HSPG2: variants seen among roughly 807,000 people sequenced by gnomAD.
HSPG2 encodes the protein heparan sulfate proteoglycan 2.
In HSPG2, 278 loss-of-function variants were observed where a neutral mutation model predicts 526.6. That is an observed-to-expected ratio of 0.53 (90% CI 0.48 to 0.58). HSPG2 has a LOEUF of 0.58. HSPG2 is among the 20% of genes least tolerant of loss of function. The probability of loss-of-function intolerance (pLI) is 0.00; values close to 1 mark genes in which losing one functional copy is unlikely to be tolerated. For synonymous variants in HSPG2, 2,465 were observed against 2,555.4 expected, an observed-to-expected ratio of 0.96 and a Z score of 1.07; for missense variants, 5,354 against 6,099.5, an observed-to-expected ratio of 0.88 and a Z score of 4.07.
In HSPG2 at chr1:21,872,155, C is replaced by T. The variant is rs371918223; in HGVS notation, c.4221+31G>A. ...CAGAGGTGAACTCATGTCTGAGTCA[C>T]GGCTGACCCTGGTGCTTGGCTGGGG... is the stretch of plus-strand genomic sequence containing the variant. On this transcript the variant is annotated intron_variant, in intron 33 of 96. Transcript: ENST00000374695. The surrounding 1 kb of genome is among the most constrained non-coding windows in gnomAD (Gnocchi z 5.5). 5.3e-5 allele frequency: 82 copies of T among 1,550,218 alleles called. 1 individual carries two copies. Among genetic ancestry groups the T allele is most frequent in the African/African-American group, 4.7e-4 (34 of 73,038 alleles).
intron 1 of HSPG2, among the ~76,000 whole-genome samples, chr1:21,930,075 CCCT>C (rs1644309165): frequency 6.6e-6 from 1 of 152,128 alleles, no homozygotes. Context: ...TCTGCCACCC[CCCT>C]GCCTGCTGCA....
At position 21,842,778 on chromosome 1, in the gene HSPG2, G is replaced by T; in HGVS notation, c.8902C>A (p.Arg2968=). The change falls in exon 67 of 97, where the codon CGG becomes AGG. Residue 2968 remains arginine, a synonymous_variant. Transcript: ENST00000374695. The stretch of plus-strand genomic sequence containing the variant: ...CATCCTGGCCCCTGTACCTGGTGCC[G>T]GGCGGGGAGGCTGCCCCCGCGCTTG... ...WYKRGGSLPA[R]HQTHGSQLRL... 6.2e-7 allele frequency: 1 copy of T among 1,613,206 alleles called. No individual in the cohort carries two copies. The highest frequency in any genetic ancestry group is 8.5e-7 in the Non-Finnish European group (1 of 1,180,016).
chr1:21,920,927 G>T (rs1557832091), intron 1 of HSPG2, among the ~76,000 whole-genome samples: 1 of 151,886 alleles, frequency 6.6e-6, no homozygotes, highest in South Asian at 2.1e-4. Context: ...CATGTGTCTG[G>T]GATCTGCCTA....
intron 62 of HSPG2, 66 bp from the exon 63 acceptor site, chr1:21,846,665 C>T (rs1572207316): frequency 1.3e-6 from 2 of 1,573,506 alleles, no homozygotes; most frequent in East Asian, 4.5e-5. Flanking sequence ...GTTGGTGGGA[C>T]CCTCTGCCAT....
intron 67 of HSPG2, 87 bp from the exon 68 acceptor site, chr1:21,842,467 G>C: frequency 7.0e-7 from 1 of 1,423,186 alleles, no homozygotes; most frequent in Admixed American, 2.5e-5. Context: ...GTACCCAAGA[G>C]TTCTCTCGGA....
chr1:21,846,708 GT>G, intron 62 of HSPG2, 109 bp from the exon 63 acceptor site: 1 of 1,278,518 alleles, frequency 7.8e-7, no homozygotes. Context: ...AACACTAATA[GT>G]TAACACTTGG....
In HSPG2 at chr1:21,833,705, T is replaced by A. The variant is rs116041331; in HGVS notation, c.10831-91A>T. 1.4e-3 allele frequency: 2,246 copies of A among 1,584,542 alleles called. 31 individuals carry two copies. In the African/African-American group the frequency reaches 0.027, roughly 19 times the overall value. On this transcript the variant is annotated intron_variant, in intron 78 of 96. Coordinates refer to ENST00000374695, the MANE Select transcript of HSPG2 (RefSeq NM_005529.7). Reference sequence around the variant, plus strand: ...TGTGCCTCAGGCCCACCTTCCAACATTGAGCGTTTGCTCTTGGCCAAGCCT... The same window carrying A: ...TGTGCCTCAGGCCCACCTTCCAACAATGAGCGTTTGCTCTTGGCCAAGCCT...
chr1:21,825,315 T>C (rs2097967744), intron 91 of HSPG2: 1 of 174,432 alleles, frequency 5.7e-6, no homozygotes, highest in South Asian at 1.3e-4. Flanking sequence ...ACAGGATCCG[T>C]GTCGGGTGAC....
At position 21,824,229 on chromosome 1, in the gene HSPG2, T is replaced by C; in HGVS notation, c.12816-25A>G. ...CCTGCAGTCATCCAGGCCCAAGAAG[T>C]ATGAGCTGGGGCAGGACCGGGGGGT... On this transcript the variant is annotated intron_variant, in intron 94 of 96. Transcript: ENST00000374695. The surrounding 1 kb of genome is among the most constrained non-coding windows in gnomAD (Gnocchi z 5.9). 6.2e-7 allele frequency: 1 copy of C among 1,612,664 alleles called. No individual in the cohort carries two copies. The highest frequency in any genetic ancestry group is 8.5e-7 in the Non-Finnish European group (1 of 1,179,482).
chr1:21,879,239 A>C (rs949106001), intron 17 of HSPG2, 118 bp from the exon 18 acceptor site: 3 of 1,198,986 alleles, frequency 2.5e-6, no homozygotes, highest in African/African-American at 3.0e-5. Context: ...ACAGCTTTGC[A>C]GACAGGGGAG....
intron 76 of HSPG2, chr1:21,835,321 GCACTCA>G (rs1242896322): frequency 1.6e-6 from 1 of 610,496 alleles, no homozygotes; most frequent in Non-Finnish European, 2.9e-6. Flanking sequence ...GTTCATCTGA[GCACTCA>G]CACACTCCAT....
chr1:21,878,238 C>A lies in HSPG2; in HGVS notation c.2633G>T (p.Arg878Leu). The A allele has an allele frequency of 6.2e-7, 1 of 1,614,000 alleles. No individual in the cohort carries two copies. Among genetic ancestry groups the A allele is most frequent in the Non-Finnish European group, 8.5e-7 (1 of 1,180,018 alleles). ...CCCCATGCTGCCACGCTCGTCACAG[C>A]GCACAATCTCCTGGTCTGGGACACA... ...KCRPVNQEIV[R>L]CDERGSMGTS... Residue 878 changes from arginine (R) to leucine (L), a missense_variant, in exon 21 of 97, where the codon CGC (arginine) becomes CTC (leucine). Transcript: ENST00000374695.
In HSPG2 at chr1:21,888,011, A is replaced by G; in HGVS notation, c.630T>C (p.Asn210=). The part of the protein sequence containing the change: ...TEAEFACHSY[N]ECVALEYRCD... ...AGCGATACTCCAGGGCCACACACTC[A>G]TTGTAGCTGTGGCAGGCAAACTCGG... is the stretch of plus-strand genomic sequence containing the variant. The change falls in exon 7 of 97, where the codon AAT becomes AAC. Residue 210 remains asparagine (N), a synonymous_variant. Coordinates refer to ENST00000374695, the MANE Select transcript of HSPG2 (RefSeq NM_005529.7). 6.2e-7 allele frequency: 1 copy of G among 1,614,068 alleles called. No individual in the cohort carries two copies. Among genetic ancestry groups the G allele is most frequent in the Non-Finnish European group, 8.5e-7 (1 of 1,179,990 alleles).
intron 1 of HSPG2, among the ~76,000 whole-genome samples, chr1:21,922,643 G>C (rs996526572): frequency 6.6e-6 from 1 of 152,260 alleles, no homozygotes; most frequent in East Asian, 1.9e-4. Context: ...GTGGAGGTGT[G>C]GGGGGAAGGA....
At position 21,893,019 on chromosome 1, in the gene HSPG2, A is replaced by G. The variant is rs575660527; in HGVS notation, c.245-2325T>C. Among the ~76,000 whole-genome samples, 25 of 152,206 alleles carry G rather than the reference A, an allele frequency of 1.6e-4. No homozygotes were observed. In the South Asian group the frequency reaches 5.2e-3, roughly 32 times the overall value. ...CACCCTATCTGGTGAGTTCCCTTGGAGCCAGAGGCCGGGAGAGGGAGACAG... is the reference window on the plus strand; with the variant it reads ...CACCCTATCTGGTGAGTTCCCTTGGGGCCAGAGGCCGGGAGAGGGAGACAG... On this transcript the variant is annotated intron_variant, in intron 3 of 96. Coordinates refer to ENST00000374695, the MANE Select transcript of HSPG2 (RefSeq NM_005529.7). The surrounding 1 kb of genome is among the most constrained non-coding windows in gnomAD (Gnocchi z 4.3).
At position 21,842,254 on chromosome 1, in the gene HSPG2, C is replaced by T. The variant is rs1300825864; in HGVS notation, c.9037G>A (p.Glu3013Lys). 1.2e-6 allele frequency: 2 copies of T among 1,613,654 alleles called. No individual in the cohort carries two copies. Among genetic ancestry groups the T allele is most frequent in the East Asian group, 2.2e-5 (1 of 44,884 alleles). Residue 3013 changes from glutamate to lysine, a missense_variant, in exon 68 of 97, where the codon GAG (glutamate) becomes AAG (lysine). Physicochemically the swap from Glu to Lys is moderately conservative, Grantham distance 56. Transcript: ENST00000374695. ...ASFTVTVPPS[E>K]GSSYRLRSPV... The stretch of plus-strand genomic sequence containing the variant: ...CCATACTCACGGTAGGAAGACCCCT[C>T]ACTGGGCGGGACGGTGACTGTGAAG...
At chr1:21,885,276 A>T in intron 10 of HSPG2, 44 bp downstream of exon 10, 1 of 1,613,358 alleles carries the variant, frequency 6.2e-7, no homozygotes, top group Non-Finnish European at 8.5e-7. Flanking sequence ...GAACCCCTAG[A>T]ACCCAGCCCA....
At chr1:21,842,959 C>T (rs556568615) in intron 66 of HSPG2, 38 bp from the exon 67 acceptor site, 37 of 1,612,610 alleles carry the variant, frequency 2.3e-5, no homozygotes, top group Admixed American at 1.5e-4. Context: ...GGCCAGGCTC[C>T]GGGGATCAAG....
chr1:21,890,678 C>T lies in HSPG2; in HGVS notation c.261G>A (p.Leu87=). The change falls in exon 4 of 97, where the codon CTG becomes CTA. Residue 87 remains leucine (L), a synonymous_variant. Coordinates refer to ENST00000374695, the MANE Select transcript of HSPG2 (RefSeq NM_005529.7). This position sits in a 1 kb window ranked among gnomAD's most constrained non-coding sequence, Gnocchi z 4.1. ...GDFQMVYFRA[L]VNFTRSIEYS... ...ACTCGATGGAGCGAGTGAAATTCAC[C>T]AGGGCTCGGAAATAAACTGGAAAAT... 6.2e-7 allele frequency: 1 copy of T among 1,613,682 alleles called. No homozygotes were observed. Among genetic ancestry groups the T allele is most frequent in the Non-Finnish European group, 8.5e-7 (1 of 1,179,656 alleles).
Sources: allele counts gnomAD v4.1 joint callset (sites outside exome capture counted in the v4.1 genomes callset), GRCh38; gene constraint gnomAD v4.1.1; non-coding constraint Gnocchi (gnomAD v3.1); transcripts MANE v1.5; gene names NCBI Gene and HGNC (gene_info 2026-07-23, HGNC 2026-07-21).